PRCD: variants seen among roughly 807,000 people sequenced by gnomAD.
PRCD encodes the protein photoreceptor disc component.
Under a neutral mutation model 10.1 loss-of-function variants are expected in PRCD, and 12 were observed. The observed-to-expected ratio is 1.18, with a 90% CI of 0.76 to 1.92. The LOEUF (loss-of-function observed/expected upper bound fraction) is 1.92, where lower values mean the gene tolerates loss of function less well. Ranked by LOEUF, PRCD falls within the 40% of genes most tolerant of loss-of-function variation. PRCD has a pLI of 0.00. For synonymous variants in PRCD, 31 were observed against 26.2 expected, an observed-to-expected ratio of 1.18 and a Z score of -0.56; for missense variants, 61 against 72.2, an observed-to-expected ratio of 0.84 and a Z score of 0.56.
intron 1 of PRCD, among the ~76,000 whole-genome samples, chr17:76,534,146 T>TCTC (rs2074885915): frequency 7.6e-4 from 98 of 129,006 alleles, no homozygotes; most frequent in Non-Finnish European, 1.2e-3. Context: ...CTCTTTCTCT[T>TCTC]TCTCTCTCTC....
At chr17:76,542,745 C>A (rs553550908) in intron 3 of PRCD, 112 bp downstream of exon 3, 2 of 730,428 alleles carry the variant, frequency 2.7e-6, no homozygotes, top group African/African-American at 3.5e-5. Flanking sequence ...TCAGCTCTTG[C>A]CACTGATGGA....
chr17:76,547,526 G>T (rs1248490462), downstream of PRCD, among the ~76,000 whole-genome samples: 1 of 152,170 alleles, frequency 6.6e-6, no homozygotes, highest in Non-Finnish European at 1.5e-5. Flanking sequence ...GTGCCCCCTA[G>T]TGGGGATGAT....
upstream of PRCD, chr17:76,538,568 G>GT: frequency 2.2e-6 from 1 of 462,466 alleles, no homozygotes; most frequent in East Asian, 7.5e-5. Context: ...GTCCAGAGAG[G>GT]CACCGGATAG....
chr17:76,531,853 T>G lies in PRCD; in HGVS notation n.45+4020T>G. On this transcript the variant is annotated intron_variant and non_coding_transcript_variant, in intron 1 of 4. Coordinates refer to the PRCD transcript ENST00000397633. This position sits in a 1 kb window ranked among gnomAD's most constrained non-coding sequence, Gnocchi z 7.4. ...CAGTAGACCTCAGCATAGACCCTCC[T>G]CCCTCTGGCCAAGCCGGCTCACCCC... 1.6e-6 allele frequency: 1 copy of G among 609,408 alleles called. No individual in the cohort carries two copies. Among genetic ancestry groups the G allele is most frequent in the Non-Finnish European group, 2.8e-6 (1 of 354,700 alleles). The allele number at this position is 609,408 out of a possible 1,614,324, so 37.8% of individuals were successfully genotyped here.
In PRCD at chr17:76,528,781, G is replaced by T; in HGVS notation, n.45+948G>T. 2.0e-6 allele frequency: 2 copies of T among 1,010,830 alleles called. No individual in the cohort carries two copies. Among genetic ancestry groups the T allele is most frequent in the Non-Finnish European group, 2.6e-6 (2 of 780,818 alleles). The allele number at this position is 1,010,830 out of a possible 1,614,324, so 62.6% of individuals were successfully genotyped here. A position where few individuals can be genotyped will look rare whatever the true frequency, so the allele number is the denominator to read the frequency against. ...CAAGTTCTAGTCTCCGTCCTGCTAC[G>T]AACGTGCTGTGTGATCTCAGGCAAG... is the stretch of plus-strand genomic sequence containing the variant. On this transcript the variant is annotated intron_variant and non_coding_transcript_variant, in intron 1 of 4. Coordinates refer to the PRCD transcript ENST00000397633. The surrounding 1 kb of genome is among the most constrained non-coding windows in gnomAD (Gnocchi z 5.8).
At chr17:76,534,146 T>TCTCTCTCTCTCTCTCTCTCTC (rs2074885915) in intron 1 of PRCD, among the ~76,000 whole-genome samples, 2 of 128,902 alleles carry the variant, frequency 1.6e-5, no homozygotes, top group Non-Finnish European at 1.7e-5. Context: ...CTCTTTCTCT[T>TCTCTCTCTCTCTCTCTCTCTC]TCTCTCTCTC....
Position 76,544,722 on chromosome 17 carries a change from C to T in PRCD, c.*1072C>T. The T allele has an allele frequency of 2.2e-6, 1 of 456,810 alleles. No individual in the cohort carries two copies. 28.3% of individuals were successfully genotyped at this position (456,810 alleles called of 1,614,324 possible). ...GAGGGCACTGTTCCCGGGACCCAGT[C>T]TGTGTTCCCCGATCCTATCTGCATT... On this transcript the variant is annotated 3_prime_UTR_variant, in exon 5 of 5. Coordinates refer to ENST00000592014, the MANE Select transcript of PRCD (RefSeq NM_001077620.3).
At chr17:76,535,838 C>T (rs765120500), upstream of PRCD, among the ~76,000 whole-genome samples, 19 of 152,196 alleles carry the variant, frequency 1.2e-4, no homozygotes, top group Non-Finnish European at 2.6e-4. Context: ...AGCACTTCCT[C>T]CACGTATCCG....
downstream of PRCD, chr17:76,546,806 A>AT (rs1244445385): frequency 6.6e-6 from 1 of 152,180 alleles, no homozygotes. The surrounding 1 kb of genome is among the most constrained non-coding windows in gnomAD (Gnocchi z 4.5). Context: ...CAGCTGCTGT[A>AT]TTTTACGCAC....
Position 76,544,094 on chromosome 17 carries a change from A to G in PRCD, c.*444A>G, listed in dbSNP as rs1380807887. On this transcript the variant is annotated 3_prime_UTR_variant, in exon 5 of 5. Coordinates refer to ENST00000592014, the MANE Select transcript of PRCD (RefSeq NM_001077620.3). ...CTCTTTTCAATCCTGCATGATCCTG[A>G]GCAGAGATAAAAGCAGATTTCCGCT... 2 of 454,492 alleles carry G rather than the reference A, an allele frequency of 4.4e-6. No individual in the cohort carries two copies. The highest frequency in any genetic ancestry group is 3.1e-5 in the South Asian group (2 of 64,488). The allele number at this position is 454,492 out of a possible 1,614,324, so 28.2% of individuals were successfully genotyped here.
At position 76,542,541 on chromosome 17, in the gene PRCD, T is replaced by C. The variant is rs2075004411; in HGVS notation, c.144-12T>C. On this transcript the variant is annotated splice_polypyrimidine_tract_variant and intron_variant, in intron 2 of 4. Transcript: ENST00000592014. ...CCCTTCAATCCTGACCCCAGTGCTTTCCTCTGTTTAGGGAGAAAGAACCTC... is the reference window on the plus strand; with the variant it reads ...CCCTTCAATCCTGACCCCAGTGCTTCCCTCTGTTTAGGGAGAAAGAACCTC... 1 of 1,614,136 alleles carries C rather than the reference T, an allele frequency of 6.2e-7. No individual in the cohort carries two copies.
At chr17:76,542,655 G>A in intron 3 of PRCD, 22 bp downstream of exon 3, 1 of 1,528,758 alleles carries the variant, frequency 6.5e-7, no homozygotes, top group Non-Finnish European at 9.1e-7. Context: ...CTGGGAGCCG[G>A]GGAGGGCAGA....
rs765266825 is a variant in PRCD, at chr17:76,540,262, G to A, written c.74+47G>A. 2 of 738,396 alleles carry A rather than the reference G, an allele frequency of 2.7e-6. No individual in the cohort carries two copies. The highest frequency in any genetic ancestry group is 3.0e-5 in the South Asian group (2 of 67,016). The allele number at this position is 738,396 out of a possible 1,614,324, so 45.7% of individuals were successfully genotyped here. On this transcript the variant is annotated intron_variant, in intron 1 of 4. Transcript: ENST00000592014. This position sits in a 1 kb window ranked among gnomAD's most constrained non-coding sequence, Gnocchi z 5.0. ...GGCTGGCGGTTGGTCGGGGGGGGGG[G>A]GCATGGGGCTGGGCTGCCACCAAGC... is the stretch of plus-strand genomic sequence containing the variant.
At chr17:76,532,842 T>G (rs529823593) in intron 1 of PRCD, among the ~76,000 whole-genome samples, 188 of 152,236 alleles carry the variant, frequency 1.2e-3, no homozygotes, top group Middle Eastern at 3.4e-3. Context: ...CGGCCGACAA[T>G]GACTTTTTCA....
chr17:76,530,355 C>A lies in PRCD; in HGVS notation n.45+2522C>A, dbSNP rs1051051712. The stretch of plus-strand genomic sequence containing the variant: ...GCAGGAGTCACAGAGGGCGGCCACC[C>A]TCCTTGAGCCACCTCCTGGGCCCAG... On this transcript the variant is annotated intron_variant and non_coding_transcript_variant, in intron 1 of 4. Coordinates refer to the PRCD transcript ENST00000397633. The surrounding 1 kb of genome is among the most constrained non-coding windows in gnomAD (Gnocchi z 6.1). Among the ~76,000 whole-genome samples, 1 of 152,140 alleles carries A rather than the reference C, an allele frequency of 6.6e-6. No individual in the cohort carries two copies. Among genetic ancestry groups the A allele is most frequent in the Non-Finnish European group, 1.5e-5 (1 of 68,018 alleles).
chr17:76,542,741 C>G (rs772379225), intron 3 of PRCD, 108 bp downstream of exon 3: 89 of 740,894 alleles, frequency 1.2e-4, no homozygotes, highest in Non-Finnish European at 1.9e-4. Flanking sequence ...GTGTTCAGCT[C>G]TTGCCACTGA....
chr17:76,549,397 A>G (rs2075086028), downstream of PRCD, among the ~76,000 whole-genome samples: 1 of 152,226 alleles, frequency 6.6e-6, no homozygotes, highest in Non-Finnish European at 1.5e-5. Flanking sequence ...GGAAAGAAGA[A>G]AGATACTCCA....
rs762313015 is a variant in PRCD, at chr17:76,543,066, T to C, written c.*97T>C. 2.1e-6 allele frequency: 1 copy of C among 471,934 alleles called. No homozygotes were observed. The highest frequency in any genetic ancestry group is 6.9e-5 in the East Asian group (1 of 14,434). The allele number at this position is 471,934 out of a possible 1,614,324, so 29.2% of individuals were successfully genotyped here. A position where few individuals can be genotyped will look rare whatever the true frequency, so the allele number is the denominator to read the frequency against. On this transcript the variant is annotated 3_prime_UTR_variant, in exon 4 of 5. Transcript: ENST00000592014. ...TTCGTCCCCTAGCCCAGGAGGATGC[T>C]GTGGGAGCTGCAGCAGCGGCAAGAG...
chr17:76,540,680 G>T lies in PRCD; in HGVS notation c.143+107G>T, dbSNP rs2289607. 205,862 of 1,119,292 alleles carry T rather than the reference G, an allele frequency of 0.18. 20,913 individuals carry two copies. The highest frequency in any genetic ancestry group is 0.33 in the South Asian group (25,174 of 76,908). 69.3% of individuals were successfully genotyped at this position (1,119,292 alleles called of 1,614,324 possible). A position where few individuals can be genotyped will look rare whatever the true frequency, so the allele number is the denominator to read the frequency against. ...GCCTGTGCGCGCCTGTGCGTGCACC[G>T]TATCCTGGCCCTTGCCCTAAGCACC... On this transcript the variant is annotated intron_variant, in intron 2 of 4. Coordinates refer to ENST00000592014, the MANE Select transcript of PRCD (RefSeq NM_001077620.3). This position sits in a 1 kb window ranked among gnomAD's most constrained non-coding sequence, Gnocchi z 5.0.
Sources: gnomAD v4.1 joint callset for allele counts (sites outside exome capture counted in the v4.1 genomes callset) on GRCh38, gnomAD v4.1.1 for gene constraint, Gnocchi (gnomAD v3.1) non-coding constraint, MANE v1.5 for transcripts, NCBI Gene and HGNC (gene_info 2026-07-23, HGNC 2026-07-21) for gene names.